The following TMC5 variants were observed in gnomAD, a reference collection of about 807,000 sequenced individuals.
TMC5 encodes the protein transmembrane channel like 5, also known as transmembrane channel-like protein 5.
TMC5 carries 86 observed loss-of-function variants against 110.5 expected under a neutral mutation model. The observed-to-expected ratio is 0.78, with a 90% CI of 0.65 to 0.93. The LOEUF (loss-of-function observed/expected upper bound fraction) is 0.93, where lower values mean the gene tolerates loss of function less well. TMC5 is among the 40% of genes least tolerant of loss of function. The pLI, the probability that TMC5 is intolerant of heterozygous loss-of-function variation, is 0.00. For missense variants in TMC5, 1,144 were observed against 1,222.8 expected, an observed-to-expected ratio of 0.94 and a Z score of 0.96; for synonymous variants, 455 against 439.5, an observed-to-expected ratio of 1.04 and a Z score of -0.44.
chr16:19,490,354 A>C (rs767776832), intron 17 of TMC5, 41 bp from the exon 18 acceptor site: 2 of 1,598,124 alleles, frequency 1.3e-6, no homozygotes, highest in Non-Finnish European at 1.7e-6. Context: ...ACCATCCCTG[A>C]GTCTTGTGCT....
chr16:19,450,732 T>C (rs1347629874), intron 5 of TMC5, among the ~76,000 whole-genome samples: 1 of 152,198 alleles, frequency 6.6e-6, no homozygotes, highest in Non-Finnish European at 1.5e-5. Flanking sequence ...CTTGAGCCAA[T>C]CATTTTTACC....
intron 12 of TMC5, among the ~76,000 whole-genome samples, chr16:19,476,616 C>T (rs569536983): frequency 3.3e-5 from 5 of 152,124 alleles, no homozygotes; most frequent in Non-Finnish European, 7.3e-5. Flanking sequence ...GCTGGGTCAG[C>T]ACCCAATAAA....
chr16:19,497,077 C>T, intron 20 of TMC5, 44 bp from the exon 21 acceptor site: 2 of 1,609,214 alleles, frequency 1.2e-6, no homozygotes, highest in Non-Finnish European at 1.7e-6. Flanking sequence ...CCAGAATCTG[C>T]ATTCTTCCTC....
At chr16:19,441,364 G>C (rs1967487528) in intron 3 of TMC5, among the ~76,000 whole-genome samples, 1 of 149,990 alleles carries the variant, frequency 6.7e-6, no homozygotes, top group African/African-American at 2.5e-5. Context: ...ATGTCACCCA[G>C]GTTGGAGTGC....
upstream of TMC5, among the ~76,000 whole-genome samples, chr16:19,414,543 ACTG>A (rs1460185445): frequency 6.6e-6 from 1 of 152,138 alleles, no homozygotes; most frequent in African/African-American, 2.4e-5. Context: ...TGCTATTCAT[ACTG>A]TGTGCAATTC....
intron 5 of TMC5, among the ~76,000 whole-genome samples, chr16:19,458,922 G>A (rs4583227): frequency 0.071 from 10,848 of 152,176 alleles, 786 homozygotes; most frequent in African/African-American, 0.19. Context: ...AGCCACCCTC[G>A]GCACGGTATC....
At chr16:19,455,716 T>C (rs1967851671) in intron 5 of TMC5, among the ~76,000 whole-genome samples, 1 of 152,166 alleles carries the variant, frequency 6.6e-6, no homozygotes, top group Non-Finnish European at 1.5e-5. Flanking sequence ...GGCCCACCCT[T>C]AGCCGCAAAG....
At chr16:19,456,042 C>G (rs1395362020) in intron 5 of TMC5, among the ~76,000 whole-genome samples, 1 of 151,832 alleles carries the variant, frequency 6.6e-6, no homozygotes, top group African/African-American at 2.4e-5. Context: ...CCCGTCTCTA[C>G]TAAAAATACA....
At chr16:19,481,281 G>C in intron 14 of TMC5, 89 bp from the exon 15 acceptor site, 2 of 911,432 alleles carry the variant, frequency 2.2e-6, no homozygotes, top group South Asian at 1.4e-5. Context: ...AGCTGGGGAG[G>C]GTCTCTTTTG....
chr16:19,439,983 A>G lies in TMC5; in HGVS notation c.-56A>G. On this transcript the variant is annotated 5_prime_UTR_variant, in exon 3 of 22. Transcript: ENST00000542583. ...AGGTGAAAAAAAAAAAAGATCCCTG[A>G]GTAATTGCAAATGCTGGGACAGTTT... The G allele has an allele frequency of 1.5e-6, 2 of 1,353,532 alleles. No individual in the cohort carries two copies. Among genetic ancestry groups the G allele is most frequent in the Non-Finnish European group, 1.0e-6 (1 of 985,958 alleles). 83.8% of individuals were successfully genotyped at this position (1,353,532 alleles called of 1,614,324 possible).
chr16:19,448,454 C>CA (rs1408740970), intron 4 of TMC5, among the ~76,000 whole-genome samples: 1 of 151,450 alleles, frequency 6.6e-6, no homozygotes, highest in Non-Finnish European at 1.5e-5. Flanking sequence ...CCCCTCTCTA[C>CA]AAAAAATACA....
intron 5 of TMC5, among the ~76,000 whole-genome samples, chr16:19,451,615 T>G (rs370195904): frequency 2.1e-4 from 32 of 151,500 alleles, no homozygotes; most frequent in African/African-American, 7.3e-4. Flanking sequence ...TGGGTGGGGG[T>G]TTCTCCCCAC....
chr16:19,477,374 G>A, intron 12 of TMC5, 66 bp from the exon 13 acceptor site: 1 of 1,212,976 alleles, frequency 8.2e-7, no homozygotes, highest in East Asian at 2.3e-5. Context: ...CCCCAAAGGA[G>A]CTATTTGCAG....
intron 6 of TMC5, among the ~76,000 whole-genome samples, chr16:19,461,090 T>C (rs536473026): frequency 6.6e-6 from 1 of 152,292 alleles, no homozygotes; most frequent in East Asian, 1.9e-4. Flanking sequence ...GTGGAAAAAC[T>C]GGTAAAATCT....
chr16:19,446,629 G>T (rs1365799271), intron 4 of TMC5, among the ~76,000 whole-genome samples: 2 of 152,190 alleles, frequency 1.3e-5, no homozygotes, highest in African/African-American at 4.8e-5. Context: ...ATATGCACAA[G>T]GTCACTCACT....
At chr16:19,424,704 C>T (rs1379908155) in intron 1 of TMC5, among the ~76,000 whole-genome samples, 1 of 152,080 alleles carries the variant, frequency 6.6e-6, no homozygotes, top group Non-Finnish European at 1.5e-5. Context: ...AAGAAGTACA[C>T]AGGGTAAGTT....
At chr16:19,476,241 G>A (rs1968485696) in intron 12 of TMC5, among the ~76,000 whole-genome samples, 3 of 152,104 alleles carry the variant, frequency 2.0e-5, no homozygotes, top group Non-Finnish European at 4.4e-5. Context: ...CAGCTACTCA[G>A]GTGGCTGAGG....
At chr16:19,420,763 G>A (rs934536089) in intron 1 of TMC5, among the ~76,000 whole-genome samples, 1 of 152,134 alleles carries the variant, frequency 6.6e-6, no homozygotes, top group Non-Finnish European at 1.5e-5. Context: ...TCGCCTGTCT[G>A]AACATAGGTA....
intron 5 of TMC5, among the ~76,000 whole-genome samples, chr16:19,451,050 C>T (rs1342651219): frequency 6.6e-6 from 1 of 152,140 alleles, no homozygotes; most frequent in Non-Finnish European, 1.5e-5. Context: ...GGTAGGATTG[C>T]TTGAGCCTGG....
Sources: allele counts gnomAD v4.1 joint callset (sites outside exome capture counted in the v4.1 genomes callset), GRCh38; gene constraint gnomAD v4.1.1; transcripts MANE v1.5; gene names NCBI Gene and HGNC (gene_info 2026-07-23, HGNC 2026-07-21).